Variants in RAD18 observed in about 807,000 individuals in gnomAD.
RAD18 encodes the protein E3 ubiquitin-protein ligase RAD18.
A neutral mutation model predicts 60.4 loss-of-function variants in RAD18; 47 were observed. The ratio of observed to expected loss-of-function variants is 0.78; its 90% CI spans 0.62 to 0.99. RAD18 has a LOEUF of 0.99. Among genes scored for constraint, RAD18 ranks in the 50% least tolerant of loss-of-function variants. The pLI is 0.00. For missense variants in RAD18, 640 were observed against 593.3 expected (o/e 1.08, Z -0.82); for synonymous variants, 225 against 195.5 (o/e 1.15, Z -1.26).
At chr3:8,894,750 G>C (rs1386388688) in intron 11 of RAD18, among the ~76,000 whole-genome samples, 1 of 141,020 alleles carries the variant, frequency 7.1e-6, no homozygotes, top group South Asian at 2.3e-4. Context: ...ACCACACCCA[G>C]TTTAAGCGCT....
At position 8,892,233 on chromosome 3, in the gene RAD18, A is replaced by G. The variant is rs1939703704; in HGVS notation, c.1323-1782T>C. 1.3e-5 allele frequency among the ~76,000 whole-genome samples: 2 copies of G among 152,134 alleles called. 1 individual carries two copies. Among genetic ancestry groups the G allele is most frequent in the South Asian group, 4.1e-4 (2 of 4,824 alleles). On this transcript the variant is annotated intron_variant, in intron 11 of 12. Coordinates refer to ENST00000264926, the MANE Select transcript of RAD18 (RefSeq NM_020165.4). ...GAGGAACTTTTTCAGCTTGTCTACT[A>G]TTTGGTCTTGAAACATTCTGGAAGA... is the stretch of plus-strand genomic sequence containing the variant.
chr3:8,928,632 A>C (rs192665571), intron 7 of RAD18, among the ~76,000 whole-genome samples: 8 of 152,306 alleles, frequency 5.3e-5, no homozygotes, highest in Admixed American at 5.2e-4. Flanking sequence ...AAAACTGAAA[A>C]TATTGACAGG....
chr3:8,880,487 T>C lies in RAD18; in HGVS notation c.*870A>G, dbSNP rs1939438537. The C allele has an allele frequency of 6.6e-6, 1 of 152,228 alleles. No homozygotes were observed. The highest frequency in any genetic ancestry group is 1.5e-5 in the Non-Finnish European group (1 of 68,038). The allele number at this position is 152,228 out of a possible 1,614,324, so 9.4% of individuals were successfully genotyped here. A position where few individuals can be genotyped will look rare whatever the true frequency, so the allele number is the denominator to read the frequency against. On this transcript the variant is annotated 3_prime_UTR_variant, in exon 13 of 13. Transcript: ENST00000264926. ...GACATTTTACACAGATAGCAATTTC[T>C]GACCAATCCATTTCAATGATTTCTA... is the stretch of plus-strand genomic sequence containing the variant.
At chr3:8,942,777 C>T (rs773774100) in intron 4 of RAD18, among the ~76,000 whole-genome samples, 5 of 152,186 alleles carry the variant, frequency 3.3e-5, no homozygotes, top group Non-Finnish European at 7.3e-5. Flanking sequence ...AAGGGAACCC[C>T]ACCAGTCTGC....
At chr3:8,928,567 A>G (rs1209560591) in intron 7 of RAD18, among the ~76,000 whole-genome samples, 1 of 152,150 alleles carries the variant, frequency 6.6e-6, no homozygotes, top group East Asian at 1.9e-4. Context: ...ATAATAATAA[A>G]CAGGCTAACT....
chr3:8,899,516 CTAAT>C (rs1215079609), intron 10 of RAD18, among the ~76,000 whole-genome samples: 1 of 152,168 alleles, frequency 6.6e-6, no homozygotes, highest in Non-Finnish European at 1.5e-5. Context: ...TAACTAGAAT[CTAAT>C]TATTCTCTAT....
In RAD18 at chr3:8,947,233, A is replaced by G; in HGVS notation, c.253T>C (p.Leu85=). The change falls in exon 4 of 13, where the codon TTG becomes CTG. Residue 85 remains leucine (L), a synonymous_variant. Transcript: ENST00000264926. The stretch of plus-strand genomic sequence containing the variant: ...ATTAAATCATACCGTGCAAAATTCA[A>G]GCTTTTTACCAGTTCATCTAATATG... ...NRILDELVKS[L]NFARNHLLQF... 1 of 1,608,850 alleles carries G rather than the reference A, an allele frequency of 6.2e-7. No individual in the cohort carries two copies.
At chr3:8,887,227 C>T (rs166095) in intron 12 of RAD18, among the ~76,000 whole-genome samples, 83,835 of 152,088 alleles carry the variant, frequency 0.55, 26,567 homozygotes, top group Middle Eastern at 0.71. Flanking sequence ...CTAACAAGTC[C>T]TCCAGGTGAT....
intron 7 of RAD18, 98 bp from the exon 8 acceptor site, chr3:8,913,818 G>A: frequency 1.4e-6 from 1 of 715,608 alleles, no homozygotes; most frequent in African/African-American, 1.8e-5. Flanking sequence ...GAAGATGGGT[G>A]ATGGGTATAT....
chr3:8,897,959 C>T (rs539243155), intron 11 of RAD18, among the ~76,000 whole-genome samples: 54 of 152,100 alleles, frequency 3.6e-4, no homozygotes, highest in Non-Finnish European at 6.2e-4. Flanking sequence ...GTAATCCCAG[C>T]CACTTGGGAA....
At chr3:8,906,152 G>A (rs534598136) in intron 9 of RAD18, among the ~76,000 whole-genome samples, 6 of 152,094 alleles carry the variant, frequency 3.9e-5, no homozygotes, top group Admixed American at 2.0e-4. Context: ...ATCAGAATGC[G>A]TTAAAAATGG....
At position 8,881,578 on chromosome 3, in the gene RAD18, CTGT is replaced by C. The variant is rs1939463359; in HGVS notation, c.1386-122_1386-120del. The stretch of plus-strand genomic sequence containing the variant: ...TAAAACCTCGAAATAATCCTCTATT[CTGT>C]TGATGAATTCATAATTGTTATTATT... On this transcript the variant is annotated intron_variant, in intron 12 of 12. Coordinates refer to ENST00000264926, the MANE Select transcript of RAD18 (RefSeq NM_020165.4). 9 of 731,788 alleles carry C rather than the reference CTGT, an allele frequency of 1.2e-5. No homozygotes were observed. The South Asian group carries it at 1.7e-4, about 14-fold the overall frequency. 45.3% of individuals were successfully genotyped at this position (731,788 alleles called of 1,614,324 possible).
At chr3:8,895,489 C>A (rs1343588304) in intron 11 of RAD18, among the ~76,000 whole-genome samples, 1 of 152,094 alleles carries the variant, frequency 6.6e-6, no homozygotes, top group African/African-American at 2.4e-5. Context: ...ATTCCAATAC[C>A]CTCTAAATTA....
At chr3:8,917,095 A>T (rs1351978732) in intron 7 of RAD18, among the ~76,000 whole-genome samples, 1 of 152,198 alleles carries the variant, frequency 6.6e-6, no homozygotes, top group Non-Finnish European at 1.5e-5. Context: ...ACATTATATA[A>T]AGAAAAATCA....
chr3:8,938,132 A>C (rs1369668574), intron 6 of RAD18, among the ~76,000 whole-genome samples: 1 of 152,194 alleles, frequency 6.6e-6, no homozygotes, highest in Non-Finnish European at 1.5e-5. Flanking sequence ...AATAATCCTT[A>C]GGACTATTCA....
At position 8,939,719 on chromosome 3, in the gene RAD18, G is replaced by A; in HGVS notation, c.605-66C>T. On this transcript the variant is annotated intron_variant, in intron 5 of 12. Coordinates refer to ENST00000264926, the MANE Select transcript of RAD18 (RefSeq NM_020165.4). ...TAGAAGGGGCAAAAGTATGTAAACT[G>A]GCATCTTTTCAGCAAGTAAAGTAAA... The A allele has an allele frequency of 1.5e-6, 2 of 1,326,634 alleles. 1 individual carries two copies. Among genetic ancestry groups the A allele is most frequent in the East Asian group, 4.8e-5 (2 of 42,032 alleles). The allele number at this position is 1,326,634 out of a possible 1,614,324, so 82.2% of individuals were successfully genotyped here. A position where few individuals can be genotyped will look rare whatever the true frequency, so the allele number is the denominator to read the frequency against.
intron 7 of RAD18, among the ~76,000 whole-genome samples, chr3:8,933,709 C>T (rs375053): frequency 0.7 from 107,076 of 151,966 alleles, 38,158 homozygotes; most frequent in Middle Eastern, 0.78. Flanking sequence ...AAAAAGGGGA[C>T]AAACCATATT....
intron 2 of RAD18, among the ~76,000 whole-genome samples, chr3:8,955,377 G>A (rs1184770650): frequency 6.6e-6 from 1 of 152,142 alleles, no homozygotes; most frequent in Non-Finnish European, 1.5e-5. Context: ...CATGAACCCT[G>A]CATGTTCTAG....
chr3:8,915,948 C>T (rs1559773744), intron 7 of RAD18, among the ~76,000 whole-genome samples: 1 of 152,164 alleles, frequency 6.6e-6, no homozygotes, highest in African/African-American at 2.4e-5. Context: ...CTGTAGCTCA[C>T]TGGGGAAGGG....
Sources: gnomAD v4.1 joint callset for allele counts (sites outside exome capture counted in the v4.1 genomes callset) on GRCh38, gnomAD v4.1.1 for gene constraint, MANE v1.5 for transcripts, NCBI Gene and HGNC (gene_info 2026-07-23, HGNC 2026-07-21) for gene names.